The following GXYLT1 variants were observed in gnomAD, a reference collection of about 807,000 sequenced individuals.
GXYLT1 encodes the protein glucoside xylosyltransferase 1.
Under a neutral mutation model 54.0 loss-of-function variants are expected in GXYLT1, and 29 were observed. The observed-to-expected ratio is 0.54, with a 90% confidence interval of 0.40 to 0.73. GXYLT1 has a LOEUF of 0.73. GXYLT1 is among the 30% of genes least tolerant of loss of function. GXYLT1 has a pLI of 0.00. For missense variants in GXYLT1, 490 were observed against 553.4 expected, an observed-to-expected ratio of 0.89 and a Z score of 1.15; for synonymous variants, 176 against 204.1, an observed-to-expected ratio of 0.86 and a Z score of 1.17.
At position 42,144,608 on chromosome 12, in the gene GXYLT1, G is replaced by A. The variant is rs914151567; in HGVS notation, c.39C>T (p.Ala13=). Residue 13 remains alanine, a synonymous_variant, in exon 1 of 8, where the codon GCC becomes GCT. Transcript: ENST00000398675. ...CGTAAAGGAGCGAGCAGAAGCCGCA[G>A]GCCACACACAGCACCACGACGCGCA... is the stretch of plus-strand genomic sequence containing the variant. ...RYLRVVVLCV[A]CGFCSLLYAF... 2.0e-6 allele frequency: 3 copies of A among 1,479,680 alleles called. No homozygotes were observed. The highest frequency in any genetic ancestry group is 1.3e-5 in the South Asian group (1 of 76,816). 91.7% of individuals were successfully genotyped at this position (1,479,680 alleles called of 1,614,324 possible). A position where few individuals can be genotyped will look rare whatever the true frequency, so the allele number is the denominator to read the frequency against.
intron 1 of GXYLT1, among the ~76,000 whole-genome samples, chr12:42,144,002 T>TCA (rs146444482): frequency 2.9e-4 from 44 of 150,714 alleles, no homozygotes; most frequent in South Asian, 1.7e-3. Flanking sequence ...ACATATACAC[T>TCA]CACACACACA....
intron 1 of GXYLT1, among the ~76,000 whole-genome samples, chr12:42,134,464 C>A (rs1465221217): frequency 6.6e-6 from 1 of 152,080 alleles, no homozygotes; most frequent in African/African-American, 2.4e-5. Context: ...GCATGTGCCA[C>A]CAAGCCTAAT....
intron 7 of GXYLT1, among the ~76,000 whole-genome samples, chr12:42,094,786 T>A (rs1276154787): frequency 6.6e-6 from 1 of 152,124 alleles, no homozygotes; most frequent in Non-Finnish European, 1.5e-5. Context: ...AAAGTACTAA[T>A]ATTCCTAACA....
intron 4 of GXYLT1, among the ~76,000 whole-genome samples, chr12:42,106,834 C>T (rs890709016): frequency 1.3e-5 from 2 of 150,720 alleles, no homozygotes; most frequent in Non-Finnish European, 3.0e-5. Flanking sequence ...CAACCTCTAC[C>T]TCCTGGGTTC....
chr12:42,140,205 G>C (rs1487125754), intron 1 of GXYLT1, among the ~76,000 whole-genome samples: 1 of 135,216 alleles, frequency 7.4e-6, no homozygotes, highest in African/African-American at 2.7e-5. Context: ...AAAGGCGGGG[G>C]GGGGGGGACT....
intron 1 of GXYLT1, among the ~76,000 whole-genome samples, chr12:42,143,299 A>T (rs1291112039): frequency 6.6e-6 from 1 of 152,188 alleles, no homozygotes. Flanking sequence ...TCACGAGCTC[A>T]TTCAAGTCTT....
At chr12:42,093,236 T>C (rs2065338511) in intron 7 of GXYLT1, among the ~76,000 whole-genome samples, 1 of 152,170 alleles carries the variant, frequency 6.6e-6, no homozygotes, top group Non-Finnish European at 1.5e-5. Context: ...TAGCTGGGAT[T>C]ACAGGCACGT....
At chr12:42,104,120 T>C (rs1212301787) in intron 5 of GXYLT1, among the ~76,000 whole-genome samples, 1 of 152,122 alleles carries the variant, frequency 6.6e-6, no homozygotes, top group African/African-American at 2.4e-5. Context: ...CAAAATAATT[T>C]TAAAAACAAT....
At chr12:42,109,838 C>A (rs545662558) in intron 3 of GXYLT1, 147 bp from the exon 4 acceptor site, 4 of 520,004 alleles carry the variant, frequency 7.7e-6, no homozygotes. Flanking sequence ...TCTTCTGTTC[C>A]ACCACTGTAT....
chr12:42,125,867 A>C (rs1258812231), intron 2 of GXYLT1, among the ~76,000 whole-genome samples: 1 of 148,492 alleles, frequency 6.7e-6, no homozygotes, highest in East Asian at 2.0e-4. Flanking sequence ...CACTAATATT[A>C]AAAAAAAAAA....
chr12:42,097,942 T>A lies in GXYLT1; in HGVS notation c.956A>T (p.Asp319Val). The stretch of plus-strand genomic sequence containing the variant: ...ATGAAAAAACACGATATTCAATAGA[T>A]CTTGATCACCCCATGTGATGTTTAG... ...YKLNITWGDQ[D>V]LLNIVFFHNP... Residue 319 changes from aspartate (D) to valine (V), a missense_variant, in exon 6 of 8, where the codon GAT becomes GTT. By Grantham distance (152) the Asp-to-Val change is radical. Coordinates refer to ENST00000398675, the MANE Select transcript of GXYLT1 (RefSeq NM_173601.2). 6.2e-7 allele frequency: 1 copy of A among 1,601,210 alleles called. No homozygotes were observed. Among genetic ancestry groups the A allele is most frequent in the Non-Finnish European group, 8.5e-7 (1 of 1,170,340 alleles).
intron 1 of GXYLT1, among the ~76,000 whole-genome samples, chr12:42,133,930 C>A (rs145714070): frequency 1.1e-4 from 17 of 152,232 alleles, no homozygotes; most frequent in African/African-American, 4.1e-4. Flanking sequence ...GGCACAGTGG[C>A]TCACACCTGT....
intron 5 of GXYLT1, among the ~76,000 whole-genome samples, chr12:42,100,727 A>G (rs2065385028): frequency 6.6e-6 from 1 of 152,130 alleles, no homozygotes; most frequent in African/African-American, 2.4e-5. Context: ...AACTCTTAGA[A>G]ATAAGTCATT....
intron 3 of GXYLT1, among the ~76,000 whole-genome samples, chr12:42,114,565 C>T (rs1391096360): frequency 6.6e-6 from 1 of 152,066 alleles, no homozygotes; most frequent in Non-Finnish European, 1.5e-5. Flanking sequence ...ATACATCCTC[C>T]CAAGACTAAA....
intron 7 of GXYLT1, among the ~76,000 whole-genome samples, chr12:42,095,977 T>C (rs2065353555): frequency 6.6e-6 from 1 of 152,004 alleles, no homozygotes; most frequent in Admixed American, 6.5e-5. Flanking sequence ...GTGGAGACAA[T>C]GGTATGAAAG....
chr12:42,119,040 A>AT lies in GXYLT1; in HGVS notation c.445dup (p.Ile149AsnfsTer4). 1 of 1,614,140 alleles carries AT rather than the reference A, an allele frequency of 6.2e-7. No homozygotes were observed. The highest frequency in any genetic ancestry group is 1.3e-5 in the African/African-American group (1 of 75,070). On this transcript the variant is annotated frameshift_variant, in exon 3 of 8. Transcript: ENST00000398675. LOFTEE classifies it high-confidence loss of function. ...ATGATGTAGCTGATCTTCAGCAAAAATATGGAATTGAAGAGGTTTGATGCT... is the reference window on the plus strand; with the variant it reads ...ATGATGTAGCTGATCTTCAGCAAAAATTATGGAATTGAAGAGGTTTGATGCT...
rs1167614677 is a variant in GXYLT1 at position 42,144,733 on chromosome 12, GCGCAACAAGTTCCTCACCCGCAGC to G, written c.-111_-88del. The G allele has an allele frequency of 2.5e-5, 27 of 1,075,504 alleles. No individual in the cohort carries two copies. Among genetic ancestry groups the G allele is most frequent in the Admixed American group, 8.7e-5 (2 of 22,866 alleles). 66.6% of individuals were successfully genotyped at this position (1,075,504 alleles called of 1,614,324 possible). A position where few individuals can be genotyped will look rare whatever the true frequency, so the allele number is the denominator to read the frequency against. ...AGGGAGGGGCACCGCGCAGCCGCGG[GCGCAACAAGTTCCTCACCCGCAGC>G]CGCCGCCGCCGCCTTGCGCCCGCTC... On this transcript the variant is annotated 5_prime_UTR_variant, in exon 1 of 8. Transcript: ENST00000398675.
In GXYLT1 at chr12:42,134,066, GGT is replaced by G. The variant is rs540573155; in HGVS notation, c.222-4217_222-4216del. 4.6e-3 allele frequency among the ~76,000 whole-genome samples: 692 copies of G among 151,858 alleles called. 6 individuals carry two copies. Among genetic ancestry groups the G allele is most frequent in the African/African-American group, 0.015 (632 of 41,492 alleles). On this transcript the variant is annotated intron_variant, in intron 1 of 7. Coordinates refer to ENST00000398675, the MANE Select transcript of GXYLT1 (RefSeq NM_173601.2). ...AAAAAAAAAATTAGCCAGGCATGGT[GGT>G]GTGTGCCTGTAGTCCCAGTTACTCG... is the stretch of plus-strand genomic sequence containing the variant.
At chr12:42,124,231 T>TA (rs2065547705) in intron 2 of GXYLT1, among the ~76,000 whole-genome samples, 1 of 151,974 alleles carries the variant, frequency 6.6e-6, no homozygotes, top group African/African-American at 2.4e-5. Context: ...TTCACAAATC[T>TA]AAAATCAATT....
Sources: allele counts gnomAD v4.1 joint callset (sites outside exome capture counted in the v4.1 genomes callset), GRCh38; gene constraint gnomAD v4.1.1; transcripts MANE v1.5; gene names NCBI Gene and HGNC (gene_info 2026-07-23, HGNC 2026-07-21).